NDUFA10: variants seen among roughly 807,000 people sequenced by gnomAD.
NDUFA10 encodes NADH dehydrogenase [ubiquinone] 1 alpha subcomplex subunit 10, mitochondrial.
NDUFA10 carries 40 observed loss-of-function variants against 47.8 expected under a neutral mutation model. The ratio of observed to expected loss-of-function variants is 0.84; its 90% confidence interval spans 0.65 to 1.09. The LOEUF (loss-of-function observed/expected upper bound fraction) is 1.09, where lower values mean the gene tolerates loss of function less well. NDUFA10 is among the 50% of genes least tolerant of loss of function. NDUFA10 has a pLI of 0.00. For missense variants in NDUFA10, 413 were observed against 451.1 expected (o/e 0.92, Z 0.76); for synonymous variants, 183 against 172.2 (o/e 1.06, Z -0.49).
Position 240,011,699 on chromosome 2 carries a change from A to T in NDUFA10, c.670-3T>A. On this transcript the variant is annotated splice_polypyrimidine_tract_variant and splice_region_variant and intron_variant, in intron 5 of 9. Transcript: ENST00000252711. ...GAGGTGATCTTCATTTCATGTGGCT[A>T]AACAGAAGCAGAAAAATCAAACTGG... 6.2e-7 allele frequency: 1 copy of T among 1,609,292 alleles called. No homozygotes were observed. Among genetic ancestry groups the T allele is most frequent in the Non-Finnish European group, 8.5e-7 (1 of 1,175,524 alleles).
At chr2:240,003,814 G>C (rs948578236) in intron 8 of NDUFA10, among the ~76,000 whole-genome samples, 1 of 152,146 alleles carries the variant, frequency 6.6e-6, no homozygotes, top group Non-Finnish European at 1.5e-5. Flanking sequence ...GACCCAAGCA[G>C]GATGAGATTC....
At position 239,927,821 on chromosome 2, in the gene NDUFA10, C is replaced by T. The variant is rs116599131; in HGVS notation, c.295-32507G>A. On this transcript the variant is annotated intron_variant, in intron 4 of 5. Coordinates refer to the NDUFA10 transcript ENST00000419408. ...GGCAGCCGCCACAGGTGGCAAAATT[C>T]TATAAAACCACATGGAACAACAAAT... 7.1e-3 allele frequency among the ~76,000 whole-genome samples: 1,083 copies of T among 152,256 alleles called. 15 individuals carry two copies. Among genetic ancestry groups the T allele is most frequent in the African/African-American group, 0.025 (1,022 of 41,544 alleles).
intron 4 of NDUFA10, among the ~76,000 whole-genome samples, chr2:239,948,000 G>A (rs899739247): frequency 5.9e-5 from 9 of 152,318 alleles, no homozygotes; most frequent in South Asian, 2.1e-4. Context: ...CTGGTCTTCC[G>A]AGGCCAAGTT....
At chr2:239,894,477 C>G (rs772948554) in intron 5 of NDUFA10, among the ~76,000 whole-genome samples, 1 of 152,168 alleles carries the variant, frequency 6.6e-6, no homozygotes, top group South Asian at 2.1e-4. Context: ...TTTCCTGCCA[C>G]CTCCTCTGGA....
chr2:239,920,434 C>A (rs1693950433), intron 4 of NDUFA10, among the ~76,000 whole-genome samples: 2 of 152,214 alleles, frequency 1.3e-5, no homozygotes, highest in Admixed American at 1.3e-4. Flanking sequence ...GGCTGAGGCC[C>A]CAGGGACAGG....
chr2:239,943,974 G>A (rs1478454982), intron 4 of NDUFA10, among the ~76,000 whole-genome samples: 2 of 152,170 alleles, frequency 1.3e-5, no homozygotes, highest in African/African-American at 2.4e-5. Context: ...TGCCTGTCCC[G>A]AGATGTCCCC....
chr2:240,003,696 G>A (rs1334635373), intron 8 of NDUFA10, among the ~76,000 whole-genome samples: 1 of 152,174 alleles, frequency 6.6e-6, no homozygotes, highest in African/African-American at 2.4e-5. Flanking sequence ...AGAAATCAAA[G>A]TCACTCACTC....
At chr2:239,979,567 G>C (rs1485546196) in intron 9 of NDUFA10, among the ~76,000 whole-genome samples, 1 of 148,904 alleles carries the variant, frequency 6.7e-6, no homozygotes, top group African/African-American at 2.4e-5. Flanking sequence ...GGGCAACAAT[G>C]CCCCTGTTAA....
intron 4 of NDUFA10, among the ~76,000 whole-genome samples, chr2:239,932,072 G>A (rs182132438): frequency 1.2e-3 from 181 of 150,982 alleles, no homozygotes; most frequent in Non-Finnish European, 2.0e-3. Context: ...CTGACCTCGT[G>A]ATCCACCCTC....
chr2:240,019,896 A>G (rs1697548873), intron 3 of NDUFA10, among the ~76,000 whole-genome samples: 1 of 151,962 alleles, frequency 6.6e-6, no homozygotes, highest in Non-Finnish European at 1.5e-5. Context: ...ACGCTACGAC[A>G]TCAGCTCCTG....
chr2:239,936,939 G>A (rs1367007484), intron 4 of NDUFA10, among the ~76,000 whole-genome samples: 1 of 152,224 alleles, frequency 6.6e-6, no homozygotes, highest in African/African-American at 2.4e-5. Flanking sequence ...CAGCCTGGGT[G>A]ACAGAGAGAG....
rs192853041 is a variant in NDUFA10 at position 240,019,767 on chromosome 2, C to T, written c.461-1128G>A. Among the ~76,000 whole-genome samples, 4 of 27,008 alleles carry T rather than the reference C, an allele frequency of 1.5e-4. 2 individuals carry two copies. Among genetic ancestry groups the T allele is most frequent in the African/African-American group, 3.0e-4 (2 of 6,748 alleles). The allele number at this position is 27,008 out of a possible 152,430, so 17.7% of individuals were successfully genotyped here. A position where few individuals can be genotyped will look rare whatever the true frequency, so the allele number is the denominator to read the frequency against. ...CCGGGAGGCGGAGCTTGCAGTGAGC[C>T]GAGATCCCGCCACTGCACTCCAGCC... On this transcript the variant is annotated intron_variant, in intron 3 of 9. Coordinates refer to ENST00000252711, the MANE Select transcript of NDUFA10 (RefSeq NM_004544.4).
intron 8 of NDUFA10, among the ~76,000 whole-genome samples, chr2:239,995,043 G>A (rs1156519525): frequency 6.6e-6 from 1 of 152,204 alleles, no homozygotes; most frequent in Non-Finnish European, 1.5e-5. Flanking sequence ...GGGAGGCCAG[G>A]GCAGGCAGAT....
At chr2:239,976,344 C>T (rs1559342825) in intron 9 of NDUFA10, among the ~76,000 whole-genome samples, 1 of 152,226 alleles carries the variant, frequency 6.6e-6, no homozygotes, top group African/African-American at 2.4e-5. Context: ...GTTCTGTCTC[C>T]TTTCCCTTCA....
chr2:239,909,009 T>C (rs1206345750), intron 4 of NDUFA10, among the ~76,000 whole-genome samples: 1 of 152,196 alleles, frequency 6.6e-6, no homozygotes, highest in Non-Finnish European at 1.5e-5. Flanking sequence ...AGCTCTCCAC[T>C]GGCTGACTCT....
intron 4 of NDUFA10, among the ~76,000 whole-genome samples, chr2:239,937,518 C>A (rs1290816021): frequency 6.6e-6 from 1 of 152,166 alleles, no homozygotes; most frequent in African/African-American, 2.4e-5. Flanking sequence ...TGGCCTCGAT[C>A]CCAGCTTCAT....
intron 9 of NDUFA10, among the ~76,000 whole-genome samples, chr2:239,988,269 A>G (rs1280502446): frequency 6.6e-6 from 1 of 152,242 alleles, no homozygotes; most frequent in Non-Finnish European, 1.5e-5. Flanking sequence ...TAAACTTTAC[A>G]GTAAGAAGCA....
chr2:239,899,597 A>G (rs1693504568), intron 4 of NDUFA10, among the ~76,000 whole-genome samples: 1 of 151,998 alleles, frequency 6.6e-6, no homozygotes, highest in Non-Finnish European at 1.5e-5. Flanking sequence ...AGTTATTTTT[A>G]TTCTAGGCAA....
chr2:239,939,495 G>C (rs1327309022), intron 4 of NDUFA10, among the ~76,000 whole-genome samples: 1 of 152,232 alleles, frequency 6.6e-6, no homozygotes, highest in Non-Finnish European at 1.5e-5. Flanking sequence ...AGGCATTTCT[G>C]CTTTTGCCAC....
Sources: gnomAD v4.1 joint callset for allele counts (sites outside exome capture counted in the v4.1 genomes callset) on GRCh38, gnomAD v4.1.1 for gene constraint, MANE v1.5 for transcripts, NCBI Gene and HGNC (gene_info 2026-07-23, HGNC 2026-07-21) for gene names.